The following OTUD4 variants were observed in gnomAD, a reference collection of about 807,000 sequenced individuals.
OTUD4 encodes the protein OTU deubiquitinase 4.
In OTUD4, 24 loss-of-function variants were observed where a neutral mutation model predicts 130.4. That is an observed-to-expected ratio of 0.18 (90% CI 0.13 to 0.26). The LOEUF is 0.26. OTUD4 is among the 10% of genes least tolerant of loss of function. The pLI, the probability that OTUD4 is intolerant of heterozygous loss-of-function variation, is 1.00. For missense variants in OTUD4, 1,031 were observed against 1,329.4 expected, an observed-to-expected ratio of 0.78 and a Z score of 3.49; for synonymous variants, 420 against 472.5, an observed-to-expected ratio of 0.89 and a Z score of 1.44.
chr4:145,155,068 CT>C (rs1345041032), intron 10 of OTUD4, among the ~76,000 whole-genome samples: 4 of 152,108 alleles, frequency 2.6e-5, no homozygotes, highest in African/African-American at 9.7e-5. Flanking sequence ...ACTAAATGAC[CT>C]ATAAAGTCAA....
At chr4:145,150,168 T>A (rs1445227173) in intron 13 of OTUD4, among the ~76,000 whole-genome samples, 1 of 152,104 alleles carries the variant, frequency 6.6e-6, no homozygotes, top group Non-Finnish European at 1.5e-5. Context: ...TATCCTCACC[T>A]CCCAAGGAAA....
chr4:145,176,057 G>C (rs1455937755), intron 1 of OTUD4, among the ~76,000 whole-genome samples: 2 of 144,988 alleles, frequency 1.4e-5, no homozygotes, highest in Non-Finnish European at 1.5e-5. Context: ...TTTTTTTTCC[G>C]GCTCATTTTT....
chr4:145,168,062 A>T (rs1751965987), intron 3 of OTUD4, among the ~76,000 whole-genome samples: 1 of 152,182 alleles, frequency 6.6e-6, no homozygotes, highest in Non-Finnish European at 1.5e-5. Context: ...CTGTCTTCTA[A>T]CACTGTAATT....
Position 145,171,651 on chromosome 4 carries a change from C to A in OTUD4, c.294+19G>T. 2.8e-6 allele frequency: 3 copies of A among 1,089,452 alleles called. No individual in the cohort carries two copies. The highest frequency in any genetic ancestry group is 2.3e-4 in the Middle Eastern group (1 of 4,328). 67.5% of individuals were successfully genotyped at this position (1,089,452 alleles called of 1,614,324 possible). On this transcript the variant is annotated intron_variant, in intron 3 of 20. Transcript: ENST00000447906. ...TTGGATATATAAAAATAGAAATATA[C>A]TAGAAGACTGTGACATACCTGTGGA... is the stretch of plus-strand genomic sequence containing the variant.
chr4:145,175,352 G>A (rs1752367467), intron 1 of OTUD4, among the ~76,000 whole-genome samples: 1 of 152,122 alleles, frequency 6.6e-6, no homozygotes, highest in African/African-American at 2.4e-5. Context: ...AAAATGTTGT[G>A]TGGTATCATC....
intron 13 of OTUD4, among the ~76,000 whole-genome samples, chr4:145,147,603 A>T (rs1174307082): frequency 6.6e-6 from 1 of 152,228 alleles, no homozygotes; most frequent in Non-Finnish European, 1.5e-5. Flanking sequence ...GCTTGAAGAC[A>T]GATATTCAGC....
At chr4:145,140,756 T>C (rs1449113047) in intron 19 of OTUD4, among the ~76,000 whole-genome samples, 1 of 152,220 alleles carries the variant, frequency 6.6e-6, no homozygotes, top group East Asian at 1.9e-4. Context: ...TTTAGGTATC[T>C]AATTAGTGAA....
rs1018161610 is a variant in OTUD4, at chr4:145,135,312, T to G, written c.*2118A>C. The stretch of plus-strand genomic sequence containing the variant: ...CAATTGAGGTAAGACAAAGTGACAA[T>G]GAAGATATGAGTAGTATTTCCTTCC... On this transcript the variant is annotated 3_prime_UTR_variant, in exon 21 of 21. Coordinates refer to ENST00000447906, the MANE Select transcript of OTUD4 (RefSeq NM_001366057.1). 6.5e-6 allele frequency: 1 copy of G among 153,392 alleles called. No individual in the cohort carries two copies. Among genetic ancestry groups the G allele is most frequent in the African/African-American group, 2.4e-5 (1 of 41,488 alleles). 9.5% of individuals were successfully genotyped at this position (153,392 alleles called of 1,614,324 possible). A position where few individuals can be genotyped will look rare whatever the true frequency, so the allele number is the denominator to read the frequency against.
chr4:145,160,736 C>T (rs942844387), intron 6 of OTUD4, among the ~76,000 whole-genome samples: 1 of 152,080 alleles, frequency 6.6e-6, no homozygotes, highest in Admixed American at 6.6e-5. Flanking sequence ...TCGCTTGAAC[C>T]CAGAAGCCAG....
At chr4:145,174,249 G>A (rs1752316717) in intron 2 of OTUD4, among the ~76,000 whole-genome samples, 1 of 152,076 alleles carries the variant, frequency 6.6e-6, no homozygotes, top group Non-Finnish European at 1.5e-5. Flanking sequence ...GGGATTACAG[G>A]TGTGAGCCAC....
intron 13 of OTUD4, among the ~76,000 whole-genome samples, chr4:145,148,152 C>T (rs748893199): frequency 2.7e-4 from 41 of 152,258 alleles, no homozygotes; most frequent in Non-Finnish European, 4.9e-4. Flanking sequence ...ATAGCTAACA[C>T]ATAAAAAAGG....
At chr4:145,140,227 G>A (rs1750495605) in intron 19 of OTUD4, among the ~76,000 whole-genome samples, 1 of 152,072 alleles carries the variant, frequency 6.6e-6, no homozygotes, top group African/African-American at 2.4e-5. Flanking sequence ...TCCCAAAATG[G>A]CTTAGATTGA....
At chr4:145,138,999 ATT>A (rs2126735937) in intron 20 of OTUD4, among the ~76,000 whole-genome samples, 1 of 152,238 alleles carries the variant, frequency 6.6e-6, no homozygotes, top group African/African-American at 2.4e-5. Flanking sequence ...TAACATCTGA[ATT>A]TGTTTTACTG....
rs552536901 is a variant in OTUD4, at chr4:145,159,418, G to A, written c.629+85C>T. On this transcript the variant is annotated intron_variant, in intron 7 of 20. Coordinates refer to ENST00000447906, the MANE Select transcript of OTUD4 (RefSeq NM_001366057.1). ...CATTAATACCTCAATATATGTTATA[G>A]AAAGACATTTACTGAAATGTAAAGA... is the stretch of plus-strand genomic sequence containing the variant. 2.0e-3 allele frequency: 3,155 copies of A among 1,582,528 alleles called. 4 individuals carry two copies. The highest frequency in any genetic ancestry group is 2.6e-3 in the Non-Finnish European group (3,040 of 1,162,500).
At chr4:145,144,877 T>A (rs1750746393) in intron 14 of OTUD4, among the ~76,000 whole-genome samples, 1 of 152,204 alleles carries the variant, frequency 6.6e-6, no homozygotes, top group Admixed American at 6.5e-5. Flanking sequence ...CTGAAATGCT[T>A]ACTGTCAGCA....
At chr4:145,179,446 T>TGTAGATCTC in intron 1 of OTUD4, 2 of 232,522 alleles carry the variant, frequency 8.6e-6, no homozygotes, top group South Asian at 6.7e-5. Context: ...GGGGTGAGCG[T>TGTAGATCTC]GGTGCTTCTC....
intron 7 of OTUD4, among the ~76,000 whole-genome samples, chr4:145,157,585 G>A (rs1751354679): frequency 6.6e-6 from 1 of 150,458 alleles, no homozygotes; most frequent in South Asian, 2.1e-4. Context: ...TCGGGAGGCT[G>A]AGGCAGGAAA....
chr4:145,170,644 G>A (rs1484536580), intron 3 of OTUD4: 1 of 152,168 alleles, frequency 6.6e-6, no homozygotes, highest in Non-Finnish European at 1.5e-5. Context: ...CATCCCCAGG[G>A]TGACTAGGAA....
At chr4:145,164,127 C>G (rs1751729776) in intron 5 of OTUD4, 27 bp downstream of exon 5, 2 of 1,088,968 alleles carry the variant, frequency 1.8e-6, no homozygotes, top group Non-Finnish European at 2.7e-6. Context: ...TACTTAAATA[C>G]TTTAGAACAC....
Sources: allele counts gnomAD v4.1 joint callset (sites outside exome capture counted in the v4.1 genomes callset), GRCh38; gene constraint gnomAD v4.1.1; transcripts MANE v1.5; gene names NCBI Gene and HGNC (gene_info 2026-07-23, HGNC 2026-07-21).